Variants in CHL1 observed in about 807,000 individuals in gnomAD.
CHL1 encodes the protein neural cell adhesion molecule L1-like protein.
A neutral mutation model predicts 141.9 loss-of-function variants in CHL1; 96 were observed. The ratio of observed to expected loss-of-function variants is 0.68; its 90% CI spans 0.57 to 0.80. The LOEUF is 0.80. Ranked by LOEUF, CHL1 falls within the 30% of genes least tolerant of loss-of-function variation. The pLI is 0.00. For missense variants in CHL1, 1,820 were observed against 1,457.2 expected, an observed-to-expected ratio of 1.25 and a Z score of -4.05; for synonymous variants, 613 against 502.2, an observed-to-expected ratio of 1.22 and a Z score of -2.95.
Position 319,764 on chromosome 3 carries a change from T to C in CHL1, c.-13T>C, listed in dbSNP as rs768867959. 6.4e-7 allele frequency: 1 copy of C among 1,573,572 alleles called. No individual in the cohort carries two copies. The highest frequency in any genetic ancestry group is 1.7e-5 in the Admixed American group (1 of 59,396). Reference sequence around the variant, plus strand: ...TTTTCATTCTTACCGGGTTGTCTTCTTCCTGAAGAGCAATGGAGCCGCTTT... The same window carrying C: ...TTTTCATTCTTACCGGGTTGTCTTCCTCCTGAAGAGCAATGGAGCCGCTTT... On this transcript the variant is annotated 5_prime_UTR_variant, in exon 3 of 28. Coordinates refer to ENST00000256509, the MANE Select transcript of CHL1 (RefSeq NM_006614.4).
At chr3:253,033 G>A (rs1693843737) in intron 2 of CHL1, among the ~76,000 whole-genome samples, 1 of 152,034 alleles carries the variant, frequency 6.6e-6, no homozygotes, top group African/African-American at 2.4e-5. Context: ...AAGTGGGCTT[G>A]AATTTGACCT....
chr3:245,265 A>T (rs1693055068), intron 2 of CHL1, among the ~76,000 whole-genome samples: 1 of 152,188 alleles, frequency 6.6e-6, no homozygotes, highest in Non-Finnish European at 1.5e-5. Context: ...GTTTGGAACA[A>T]TAAGAAAAGT....
intron 2 of CHL1, among the ~76,000 whole-genome samples, chr3:316,040 A>G (rs1187135549): frequency 2.6e-5 from 4 of 151,996 alleles, no homozygotes; most frequent in Non-Finnish European, 4.4e-5. Context: ...TGTGACGTTT[A>G]CATAGTGTGC....
At chr3:223,138 G>A (rs1034173444) in intron 1 of CHL1, among the ~76,000 whole-genome samples, 11 of 152,120 alleles carry the variant, frequency 7.2e-5, no homozygotes, top group East Asian at 1.9e-4. Flanking sequence ...ACTAGGACAC[G>A]AACATCTTTG....
At chr3:401,886 G>T (rs76351421) in intron 27 of CHL1, among the ~76,000 whole-genome samples, 188 bp downstream of exon 27, 101 of 152,296 alleles carry the variant, frequency 6.6e-4, no homozygotes, top group Middle Eastern at 3.4e-3. Flanking sequence ...TGTGATGAGG[G>T]TGTATAAATA....
intron 3 of CHL1, among the ~76,000 whole-genome samples, chr3:321,881 G>A (rs1240897428): frequency 6.6e-6 from 1 of 152,150 alleles, no homozygotes; most frequent in Admixed American, 6.6e-5. Flanking sequence ...CTTAATTATA[G>A]AGGAAAGGAT....
intron 1 of CHL1, among the ~76,000 whole-genome samples, chr3:202,492 G>C (rs941059786): frequency 6.6e-6 from 1 of 152,128 alleles, no homozygotes; most frequent in East Asian, 1.9e-4. Flanking sequence ...AATTAGAATC[G>C]TCTGGAGAGT....
At chr3:223,737 G>C (rs1313686497) in intron 1 of CHL1, among the ~76,000 whole-genome samples, 1 of 152,146 alleles carries the variant, frequency 6.6e-6, no homozygotes, top group Non-Finnish European at 1.5e-5. Context: ...TTATTACTCA[G>C]ATCAGCATCT....
chr3:405,353 CAT>C (rs1709458492), intron 27 of CHL1, 140 bp from the exon 28 acceptor site: 1 of 598,982 alleles, frequency 1.7e-6, no homozygotes, highest in South Asian at 2.0e-5. Context: ...GTGGTAGTAT[CAT>C]GTGGGCTTTA....
intron 11 of CHL1, among the ~76,000 whole-genome samples, chr3:359,630 G>T (rs924855029): frequency 1.3e-5 from 2 of 152,132 alleles, no homozygotes; most frequent in South Asian, 2.1e-4. Context: ...ATTTCCAAAA[G>T]ATATTCCCAG....
chr3:340,135 T>C (rs563501330), intron 5 of CHL1, among the ~76,000 whole-genome samples: 1 of 152,314 alleles, frequency 6.6e-6, no homozygotes, highest in African/African-American at 2.4e-5. Flanking sequence ...TTTTAAGAAA[T>C]TGACTCCAGT....
intron 2 of CHL1, among the ~76,000 whole-genome samples, chr3:269,474 T>A (rs1165391363): frequency 1.3e-5 from 2 of 152,178 alleles, no homozygotes; most frequent in Non-Finnish European, 2.9e-5. Context: ...CATTCTCGCC[T>A]TTCAGCCCAG....
At chr3:378,020 T>G in intron 16 of CHL1, 78 bp downstream of exon 16, 2 of 1,315,666 alleles carry the variant, frequency 1.5e-6, no homozygotes, top group African/African-American at 1.5e-5. Context: ...CCAATAAAGC[T>G]AATGATTCTT....
At chr3:386,036 A>G (rs1013151973) in intron 19 of CHL1, among the ~76,000 whole-genome samples, 1 of 152,068 alleles carries the variant, frequency 6.6e-6, no homozygotes, top group Non-Finnish European at 1.5e-5. Flanking sequence ...GTTTAAGAAC[A>G]TTCATTCACT....
At chr3:303,217 A>G (rs1698916845) in intron 2 of CHL1, among the ~76,000 whole-genome samples, 1 of 152,036 alleles carries the variant, frequency 6.6e-6, no homozygotes, top group African/African-American at 2.4e-5. Context: ...ATTGTTTTGG[A>G]TATGCAGGCT....
At chr3:225,905 G>A (rs59427435) in intron 1 of CHL1, among the ~76,000 whole-genome samples, 146,821 of 151,596 alleles carry the variant, frequency 0.97, 71,185 homozygotes, top group East Asian at 1. Context: ...GCTACTCGGG[G>A]GGCTGAGGCA....
intron 2 of CHL1, among the ~76,000 whole-genome samples, chr3:259,668 C>A (rs1559349162): frequency 6.6e-6 from 1 of 151,940 alleles, no homozygotes; most frequent in East Asian, 1.9e-4. Context: ...CATTTTATAT[C>A]TTTTTATTTA....
intron 24 of CHL1, among the ~76,000 whole-genome samples, chr3:396,659 G>A (rs138433262): frequency 2.6e-5 from 4 of 152,096 alleles, no homozygotes; most frequent in East Asian, 3.9e-4. Flanking sequence ...CTTCACTGTC[G>A]TATGTGTCAG....
At chr3:331,937 A>G (rs1254171128) in intron 5 of CHL1, among the ~76,000 whole-genome samples, 1 of 152,238 alleles carries the variant, frequency 6.6e-6, no homozygotes, top group Non-Finnish European at 1.5e-5. Context: ...AAAATTTTAG[A>G]TTGCAATATA....
Sources: gnomAD v4.1 joint callset for allele counts (sites outside exome capture counted in the v4.1 genomes callset) on GRCh38, gnomAD v4.1.1 for gene constraint, MANE v1.5 for transcripts, NCBI Gene and HGNC (gene_info 2026-07-23, HGNC 2026-07-21) for gene names.